The following VWC2 variants were observed in gnomAD, a reference collection of about 807,000 sequenced individuals.
VWC2 encodes brorin.
Under a neutral mutation model 29.8 loss-of-function variants are expected in VWC2, and 14 were observed. That is an observed-to-expected ratio of 0.47 (90% confidence interval 0.31 to 0.74). The LOEUF (loss-of-function observed/expected upper bound fraction) is 0.74. VWC2 is among the 30% of genes least tolerant of loss of function. The pLI, the probability that VWC2 is intolerant of heterozygous loss-of-function variation, is 0.05. For missense variants in VWC2, 457 were observed against 459.8 expected (o/e 0.99, Z 0.05); for synonymous variants, 213 against 199.0 (o/e 1.07, Z -0.59).
chr7:49,809,884 GA>G (rs1455471616), intron 3 of VWC2, among the ~76,000 whole-genome samples: 1 of 151,964 alleles, frequency 6.6e-6, no homozygotes, highest in African/African-American at 2.4e-5. Flanking sequence ...ATTTGATAAA[GA>G]GTAACTATGA....
At chr7:49,781,589 G>A (rs1788178422) in intron 2 of VWC2, among the ~76,000 whole-genome samples, 1 of 152,156 alleles carries the variant, frequency 6.6e-6, no homozygotes, top group Non-Finnish European at 1.5e-5. Flanking sequence ...GGTGAAGACA[G>A]GATTTGAATC....
At chr7:49,834,176 C>CT (rs756623554) in intron 3 of VWC2, among the ~76,000 whole-genome samples, 17 of 152,132 alleles carry the variant, frequency 1.1e-4, no homozygotes, top group Non-Finnish European at 1.6e-4. Context: ...CTGATCTGTG[C>CT]GCAGGGCTGT....
At chr7:49,777,769 A>G (rs916142573) in intron 2 of VWC2, among the ~76,000 whole-genome samples, 72 of 152,106 alleles carry the variant, frequency 4.7e-4, no homozygotes, top group Admixed American at 3.7e-3. Context: ...GGTGCAGAAC[A>G]AAAGTTCACA....
intron 2 of VWC2, among the ~76,000 whole-genome samples, chr7:49,781,600 C>A (rs1286675296): frequency 6.6e-6 from 1 of 152,076 alleles, no homozygotes; most frequent in Non-Finnish European, 1.5e-5. Context: ...GATTTGAATC[C>A]TAGCGTGTTG....
intron 3 of VWC2, among the ~76,000 whole-genome samples, chr7:49,893,282 G>A (rs1792222532): frequency 6.6e-6 from 1 of 152,124 alleles, no homozygotes; most frequent in South Asian, 2.1e-4. Context: ...TGTTCCCAGA[G>A]GGCTGGAAGG....
chr7:49,810,725 T>C (rs1788989305), intron 3 of VWC2, among the ~76,000 whole-genome samples: 1 of 152,178 alleles, frequency 6.6e-6, no homozygotes, highest in Admixed American at 6.5e-5. Context: ...TGCAAATCTT[T>C]ACATATTTAT....
chr7:49,826,089 G>T (rs1789384507), intron 3 of VWC2, among the ~76,000 whole-genome samples: 1 of 152,178 alleles, frequency 6.6e-6, no homozygotes, highest in African/African-American at 2.4e-5. Context: ...ACAAACTCAT[G>T]ATTCTTACCC....
intron 2 of VWC2, among the ~76,000 whole-genome samples, chr7:49,799,389 G>C (rs1231835328): frequency 1.3e-5 from 2 of 152,226 alleles, no homozygotes; most frequent in Non-Finnish European, 2.9e-5. Context: ...CTGACTTCAG[G>C]GCCGGTGACC....
intron 3 of VWC2, among the ~76,000 whole-genome samples, chr7:49,903,996 C>T (rs541328488): frequency 1.4e-4 from 21 of 152,244 alleles, no homozygotes; most frequent in Non-Finnish European, 1.5e-5. Flanking sequence ...TGGGGGAAGG[C>T]TGGTCACCCC....
chr7:49,910,777 AAGAT>A (rs936653189), intron 3 of VWC2, among the ~76,000 whole-genome samples: 2 of 152,170 alleles, frequency 1.3e-5, no homozygotes, highest in African/African-American at 4.8e-5. Flanking sequence ...AAAACTGTGA[AAGAT>A]AGACTCCTGC....
chr7:49,870,269 G>A (rs1009405519), intron 3 of VWC2, among the ~76,000 whole-genome samples: 10 of 152,088 alleles, frequency 6.6e-5, no homozygotes, highest in Non-Finnish European at 1.2e-4. Flanking sequence ...GCATGGTGGC[G>A]GGCGCCTGTA....
chr7:49,829,971 G>A (rs12718224), intron 3 of VWC2, among the ~76,000 whole-genome samples: 32,434 of 152,018 alleles, frequency 0.21, 4,740 homozygotes, highest in East Asian at 0.65. Flanking sequence ...TTTTTCAGTC[G>A]TACTCAGATC....
chr7:49,892,031 A>ATTTTTTTTTT (rs536880676), intron 3 of VWC2, among the ~76,000 whole-genome samples: 2 of 53,204 alleles, frequency 3.8e-5, no homozygotes, highest in Admixed American at 3.3e-4. Flanking sequence ...GACAAAGTAG[A>ATTTTTTTTTT]TTTTTTTTTT....
chr7:49,877,476 AAAAAAATATATATAT>A (rs1203929494), intron 3 of VWC2, among the ~76,000 whole-genome samples: 4 of 43,892 alleles, frequency 9.1e-5, no homozygotes, highest in African/African-American at 3.2e-4. Context: ...AAAAAAAAAA[AAAAAAATATATATAT>A]ATATATATAT....
rs529181187 is a variant in VWC2 at position 49,894,833 on chromosome 7, C to T, written c.827-17201C>T. On this transcript the variant is annotated intron_variant, in intron 3 of 3. Transcript: ENST00000340652. The stretch of plus-strand genomic sequence containing the variant: ...AGCTACAGCCTTATCATCTGTTCAG[C>T]GCTAAGTGCAAGCACCTATCCTGGG... Among the ~76,000 whole-genome samples, 117 of 152,304 alleles carry T rather than the reference C, an allele frequency of 7.7e-4. 1 individual carries two copies. Among genetic ancestry groups the T allele is most frequent in the Non-Finnish European group, 1.3e-3 (87 of 68,022 alleles).
intron 2 of VWC2, among the ~76,000 whole-genome samples, chr7:49,789,056 A>T (rs1458937082): frequency 8.4e-6 from 1 of 119,530 alleles, no homozygotes; most frequent in African/African-American, 3.3e-5. Flanking sequence ...GTGTGGGTGT[A>T]TGTGTGGGTG....
intron 3 of VWC2, among the ~76,000 whole-genome samples, 173 bp from the exon 4 acceptor site, chr7:49,911,861 C>A (rs907612304): frequency 3.3e-5 from 5 of 151,564 alleles, no homozygotes; most frequent in African/African-American, 1.2e-4. Flanking sequence ...CGTGCCACTG[C>A]ACTCCAGCCT....
At chr7:49,835,899 G>A (rs1465031680) in intron 3 of VWC2, among the ~76,000 whole-genome samples, 1 of 151,958 alleles carries the variant, frequency 6.6e-6, no homozygotes, top group East Asian at 1.9e-4. Flanking sequence ...TTAATTGTAT[G>A]AAACAAAAAG....
chr7:49,860,667 T>G (rs1017189143), intron 3 of VWC2, among the ~76,000 whole-genome samples: 5 of 152,374 alleles, frequency 3.3e-5, no homozygotes, highest in Middle Eastern at 3.4e-3. Context: ...AAGGACTGAA[T>G]TATTTCCCCC....
Sources: allele counts gnomAD v4.1 joint callset (sites outside exome capture counted in the v4.1 genomes callset), GRCh38; gene constraint gnomAD v4.1.1; transcripts MANE v1.5; gene names NCBI Gene and HGNC (gene_info 2026-07-23, HGNC 2026-07-21).